INTU: variants seen among roughly 807,000 people sequenced by gnomAD.
The protein encoded by INTU is inturned planar cell polarity protein.
Under a neutral mutation model 100.5 loss-of-function variants are expected in INTU, and 68 were observed. That is an observed-to-expected ratio of 0.68 (90% CI 0.56 to 0.83). The LOEUF is 0.83. INTU is among the 40% of genes least tolerant of loss of function. The probability of loss-of-function intolerance (pLI) is 0.00; values close to 1 mark genes in which losing one functional copy is unlikely to be tolerated. For missense variants in INTU, 1,071 were observed against 1,114.7 expected (o/e 0.96, Z 0.56); for synonymous variants, 357 against 395.7 (o/e 0.90, Z 1.16).
chr4:127,726,260 G>T lies in INTU; in HGVS notation c.*9824G>T, dbSNP rs1731414855. On this transcript the variant is annotated 3_prime_UTR_variant, in exon 16 of 16. Coordinates refer to ENST00000335251, the MANE Select transcript of INTU (RefSeq NM_015693.4). ...GGACTATTGATGATGCTGTATAATG[G>T]CAAGATAGCATTTTGTAATACCTGC... is the stretch of plus-strand genomic sequence containing the variant. 1 of 152,100 alleles carries T rather than the reference G, an allele frequency of 6.6e-6. No individual in the cohort carries two copies. Among genetic ancestry groups the T allele is most frequent in the Non-Finnish European group, 1.5e-5 (1 of 68,022 alleles). 9.4% of individuals were successfully genotyped at this position (152,100 alleles called of 1,614,324 possible). A position where few individuals can be genotyped will look rare whatever the true frequency, so the allele number is the denominator to read the frequency against.
Position 127,643,652 on chromosome 4 carries a change from A to G in INTU, c.278A>G (p.Asn93Ser). 6.2e-7 allele frequency: 1 copy of G among 1,613,936 alleles called. No individual in the cohort carries two copies. Among genetic ancestry groups the G allele is most frequent in the Non-Finnish European group, 8.5e-7 (1 of 1,179,966 alleles). Reference sequence around the variant, plus strand: ...GTGAACCATGTCAGGTTCAGTGAAAATGAGATTATCATTGAAGATGACTAC... The same window carrying G: ...GTGAACCATGTCAGGTTCAGTGAAAGTGAGATTATCATTGAAGATGACTAC... ...PTVNHVRFSE[N>S]EIIIEDDYKE... Residue 93 changes from asparagine to serine, a missense_variant, in exon 2 of 16, where the codon AAT becomes AGT. Transcript: ENST00000335251.
At chr4:127,643,056 T>A (rs532507829) in intron 1 of INTU, among the ~76,000 whole-genome samples, 160 of 152,324 alleles carry the variant, frequency 1.1e-3, no homozygotes, top group Middle Eastern at 6.8e-3. Context: ...CTGACAGCCA[T>A]CCTAAATAAT....
chr4:127,661,445 C>T (rs1415808897), intron 3 of INTU, among the ~76,000 whole-genome samples: 2 of 152,050 alleles, frequency 1.3e-5, no homozygotes, highest in African/African-American at 2.4e-5. Context: ...TTCTGAGATG[C>T]GTTTCTTTCT....
rs191550111 is a variant in INTU at position 127,640,004 on chromosome 4, C to T, written c.147-3517C>T. Among the ~76,000 whole-genome samples the T allele has an allele frequency of 9.9e-5, 15 of 152,254 alleles. No individual in the cohort carries two copies. The East Asian group carries it at 2.9e-3, about 29-fold the overall frequency. ...TAGGGTCCTTAAAGGCAGTGCCTCG[C>T]TTTGCTTCTTGTGTCACTATCACCT... On this transcript the variant is annotated intron_variant, in intron 1 of 15. Coordinates refer to ENST00000335251, the MANE Select transcript of INTU (RefSeq NM_015693.4).
rs141319932 is a variant in INTU, at chr4:127,664,268, A to G, written c.972+684A>G. 3.7e-4 allele frequency among the ~76,000 whole-genome samples: 56 copies of G among 152,180 alleles called. No homozygotes were observed. In the East Asian group the frequency reaches 0.01, roughly 28 times the overall value. On this transcript the variant is annotated intron_variant, in intron 4 of 15. Transcript: ENST00000335251. Reference sequence around the variant, plus strand: ...ACATAATCCTAGTAAAGATAAGTAAAATGTTTAAGTTCACATAGCTAGTAA... The same window carrying G: ...ACATAATCCTAGTAAAGATAAGTAAGATGTTTAAGTTCACATAGCTAGTAA...
intron 6 of INTU, among the ~76,000 whole-genome samples, chr4:127,681,824 A>G (rs1188345723): frequency 6.6e-6 from 1 of 152,036 alleles, no homozygotes; most frequent in Non-Finnish European, 1.5e-5. Context: ...GCAACCTACA[A>G]AATGGGAGAA....
intron 8 of INTU, among the ~76,000 whole-genome samples, chr4:127,693,810 T>C (rs1730262004): frequency 6.6e-6 from 1 of 152,168 alleles, no homozygotes; most frequent in Non-Finnish European, 1.5e-5. Flanking sequence ...CAAATGCTTT[T>C]TCTGTGTCTA....
intron 6 of INTU, among the ~76,000 whole-genome samples, chr4:127,676,440 G>A (rs559304331): frequency 6.6e-6 from 1 of 152,028 alleles, no homozygotes; most frequent in Non-Finnish European, 1.5e-5. Context: ...ACAAAAATTA[G>A]CCAGGCACAG....
chr4:127,663,633 A>G, intron 4 of INTU, 49 bp downstream of exon 4: 1 of 1,481,024 alleles, frequency 6.8e-7, no homozygotes, highest in Non-Finnish European at 9.4e-7. Context: ...CAAAAGCCCA[A>G]AGGAAAAAGT....
In INTU at chr4:127,643,502, T is replaced by C; in HGVS notation, c.147-19T>C. ...ATATATTGGGCTGCTATTAAGATTA[T>C]CTTTTCTCTCTTTCATAGTGATCTT... On this transcript the variant is annotated intron_variant, in intron 1 of 15. Coordinates refer to ENST00000335251, the MANE Select transcript of INTU (RefSeq NM_015693.4). 2 of 1,554,494 alleles carry C rather than the reference T, an allele frequency of 1.3e-6. No homozygotes were observed. The highest frequency in any genetic ancestry group is 1.7e-6 in the Non-Finnish European group (2 of 1,156,346).
chr4:127,705,531 A>G, intron 10 of INTU, 60 bp from the exon 11 acceptor site: 3 of 1,246,908 alleles, frequency 2.4e-6, no homozygotes, highest in Middle Eastern at 1.9e-4. Context: ...TCTTAGAAAT[A>G]TTATGGGACT....
intron 6 of INTU, among the ~76,000 whole-genome samples, chr4:127,682,886 C>A (rs952665644): frequency 3.3e-5 from 5 of 151,922 alleles, no homozygotes; most frequent in African/African-American, 7.3e-5. Context: ...TTTGTAGCAG[C>A]CCAAAAGGCA....
At chr4:127,642,414 G>T (rs1316483145) in intron 1 of INTU, among the ~76,000 whole-genome samples, 1 of 152,140 alleles carries the variant, frequency 6.6e-6, no homozygotes, top group East Asian at 1.9e-4. Flanking sequence ...TGGTTAGTTT[G>T]AGTTGAGTAA....
chr4:127,657,549 G>A (rs552010133), intron 3 of INTU, among the ~76,000 whole-genome samples: 2 of 152,216 alleles, frequency 1.3e-5, no homozygotes, highest in African/African-American at 2.4e-5. Context: ...AGCGAGCAAA[G>A]CTTCATCTGT....
intron 6 of INTU, among the ~76,000 whole-genome samples, chr4:127,682,594 G>A (rs1327106684): frequency 1.7e-5 from 2 of 115,748 alleles, no homozygotes; most frequent in Non-Finnish European, 3.3e-5. Context: ...GGGGACTTTT[G>A]TGGGGTGGGG....
chr4:127,696,672 G>A (rs1445094892), intron 8 of INTU, among the ~76,000 whole-genome samples: 1 of 151,548 alleles, frequency 6.6e-6, no homozygotes, highest in Non-Finnish European at 1.5e-5. Context: ...CCTATTTTCA[G>A]TGTCGTTGAT....
chr4:127,638,748 C>T lies in INTU; in HGVS notation c.147-4773C>T, dbSNP rs183439092. ...AGGGCCTTGAATACCAATTAAAATG[C>T]CCTAAAACGTTGCTGGCAGGCTATA... On this transcript the variant is annotated intron_variant, in intron 1 of 15. Transcript: ENST00000335251. Among the ~76,000 whole-genome samples, 173 of 152,208 alleles carry T rather than the reference C, an allele frequency of 1.1e-3. 1 individual carries two copies. The East Asian group carries it at 0.027, about 24-fold the overall frequency.
chr4:127,671,502 A>G (rs757626987), intron 5 of INTU, among the ~76,000 whole-genome samples: 1 of 152,124 alleles, frequency 6.6e-6, no homozygotes, highest in Non-Finnish European at 1.5e-5. Flanking sequence ...GAATGCTTAT[A>G]CAGTGCTGGT....
chr4:127,648,473 G>A (rs531414764), intron 2 of INTU, among the ~76,000 whole-genome samples: 1 of 152,050 alleles, frequency 6.6e-6, no homozygotes, highest in Non-Finnish European at 1.5e-5. Flanking sequence ...CTTTTTAGAG[G>A]TTTGTTAGAC....
Sources: allele counts gnomAD v4.1 joint callset (sites outside exome capture counted in the v4.1 genomes callset), GRCh38; gene constraint gnomAD v4.1.1; transcripts MANE v1.5; gene names NCBI Gene and HGNC (gene_info 2026-07-23, HGNC 2026-07-21).